The following NLRP2 variants were observed in gnomAD, a reference collection of about 807,000 sequenced individuals.
NLRP2 encodes NLR family pyrin domain containing 2, also known as NACHT, LRR and PYD domains-containing protein 2.
Under a neutral mutation model 97.2 loss-of-function variants are expected in NLRP2, and 107 were observed. The ratio of observed to expected loss-of-function variants is 1.10; its 90% CI spans 0.94 to 1.29. NLRP2 has a LOEUF of 1.29. Ranked by LOEUF, NLRP2 falls within the 50% of genes most tolerant of loss-of-function variation. NLRP2 has a pLI of 0.00. For missense variants in NLRP2, 1,495 were observed against 1,330.3 expected, an observed-to-expected ratio of 1.12 and a Z score of -1.93; for synonymous variants, 663 against 551.5, an observed-to-expected ratio of 1.20 and a Z score of -2.83.
intron 4 of NLRP2, 115 bp from the exon 5 acceptor site, chr19:54,981,502 A>AT: frequency 1.9e-6 from 1 of 530,654 alleles, no homozygotes; most frequent in Non-Finnish European, 3.8e-6. Context: ...GCTTTATCTG[A>AT]TCCCGTGCCC....
intron 3 of NLRP2, among the ~76,000 whole-genome samples, chr19:54,975,117 T>TTTTTTG (rs2071128650): frequency 9.6e-5 from 2 of 20,892 alleles, no homozygotes; most frequent in Non-Finnish European, 1.6e-4. Flanking sequence ...TTTTTTTTTT[T>TTTTTTG]TTTTTTTTTT....
In NLRP2 at chr19:54,970,825, AT is replaced by A. The variant is rs1209596749; in HGVS notation, c.280+538del. 1.2e-3 allele frequency among the ~76,000 whole-genome samples: 78 copies of A among 64,892 alleles called. No homozygotes were observed. In the East Asian group the frequency reaches 0.017, roughly 14 times the overall value. 42.6% of individuals were successfully genotyped at this position (64,892 alleles called of 152,430 possible). ...TTTTATTTTTTATTTTATTATTATT[AT>A]TTTTTTTATTATACTTTAAGTTTTA... On this transcript the variant is annotated intron_variant, in intron 2 of 12. Transcript: ENST00000448584.
In NLRP2 at chr19:54,987,842, A is replaced by G. The variant is rs151103682; in HGVS notation, c.2366+1527A>G. ...TGGATCACAAGGTCAGGAGTTCAAG[A>G]CCAGCCTGGCCAACATGGTGAAACC... On this transcript the variant is annotated intron_variant, in intron 8 of 12. Transcript: ENST00000448584. Among the ~76,000 whole-genome samples the G allele has an allele frequency of 1.9e-3, 285 of 152,066 alleles. 1 individual carries two copies. The highest frequency in any genetic ancestry group is 6.1e-3 in the African/African-American group (254 of 41,498).
At chr19:54,988,371 C>T (rs886723531) in intron 8 of NLRP2, among the ~76,000 whole-genome samples, 3 of 152,226 alleles carry the variant, frequency 2.0e-5, no homozygotes, top group African/African-American at 7.2e-5. Context: ...TGGTTCACTG[C>T]AACCTCTGCC....
chr19:54,996,593 C>T (rs978021671), intron 11 of NLRP2, among the ~76,000 whole-genome samples: 1 of 152,248 alleles, frequency 6.6e-6, no homozygotes, highest in Admixed American at 6.5e-5. Flanking sequence ...CCTATATTGA[C>T]GATGGCTTCA....
chr19:54,974,093 C>T (rs759686282), intron 2 of NLRP2: 24 of 848,000 alleles, frequency 2.8e-5, no homozygotes, highest in East Asian at 8.2e-5. Flanking sequence ...CGGTGGCTCA[C>T]GCCTGTAATC....
rs747399133 is a variant in NLRP2 at position 54,985,079 on chromosome 19, G to A, written c.2063G>A (p.Trp688Ter). ...SQDDQHMLPF[W>*]TDLCSIFGSN... ...GATGATCAGCACATGCTTCCTTTCT[G>A]GACGGACCTTTGTTCCATATTTGGA... is the stretch of plus-strand genomic sequence containing the variant. The change falls in exon 7 of 13, where the codon TGG becomes TAG. Residue 688 changes from tryptophan (W) to a stop codon, truncating the protein, a stop_gained. Transcript: ENST00000448584. LOFTEE classifies it high-confidence loss of function. The A allele has an allele frequency of 1.9e-5, 30 of 1,613,904 alleles. No homozygotes were observed. Among genetic ancestry groups the A allele is most frequent in the Non-Finnish European group, 2.5e-5 (29 of 1,180,024 alleles).
chr19:54,998,915 C>CCA (rs1450468980), intron 12 of NLRP2, among the ~76,000 whole-genome samples: 1 of 151,552 alleles, frequency 6.6e-6, no homozygotes, highest in Non-Finnish European at 1.5e-5. Context: ...TCTGAGTGGA[C>CCA]ACAGCACATG....
chr19:54,982,660 T>G lies in NLRP2; in HGVS notation c.962T>G (p.Leu321Trp), dbSNP rs1418725795. Residue 321 changes from leucine (L) to tryptophan (W), a missense_variant, in exon 6 of 13, where the codon TTG (leucine) becomes TGG (tryptophan). By Grantham distance (61) the Leu-to-Trp change is moderately conservative. Transcript: ENST00000448584. ...CCGGTGCCCGTCCTCCTGGGGAGTTTGCTGAACAGGGTGATGTTACCCAAG... is the reference window on the plus strand; with the variant it reads ...CCGGTGCCCGTCCTCCTGGGGAGTTGGCTGAACAGGGTGATGTTACCCAAG... ...KKPVPVLLGSLLNRVMLPKAA... is the reference protein window; with the variant it reads ...KKPVPVLLGSWLNRVMLPKAA... 6.2e-7 allele frequency: 1 copy of G among 1,614,112 alleles called. No homozygotes were observed. Among genetic ancestry groups the G allele is most frequent in the South Asian group, 1.1e-5 (1 of 91,084 alleles).
At chr19:54,972,668 G>C (rs961435274) in intron 2 of NLRP2, among the ~76,000 whole-genome samples, 2 of 151,834 alleles carry the variant, frequency 1.3e-5, no homozygotes, top group Non-Finnish European at 2.9e-5. Flanking sequence ...TGTTGCCCAG[G>C]CTGGTCTCGA....
intron 8 of NLRP2, among the ~76,000 whole-genome samples, chr19:54,986,761 T>A (rs11671837): frequency 1.3e-5 from 2 of 152,030 alleles, no homozygotes; most frequent in Non-Finnish European, 2.9e-5. Flanking sequence ...ATTGCCAGGC[T>A]GGTCTCGAAC....
rs1402031659 is a variant in NLRP2 at position 54,989,920 on chromosome 19, G to GGC, written c.2367-100_2367-99dup. On this transcript the variant is annotated intron_variant, in intron 8 of 12. Coordinates refer to ENST00000448584, the MANE Select transcript of NLRP2 (RefSeq NM_017852.5). ...GCAGGAGAATCACTTGAACCCAGGAGGCGGAGGTTGCTGTGAGCCGAGATT... is the reference window on the plus strand; with the variant it reads ...GCAGGAGAATCACTTGAACCCAGGAGGCGCGGAGGTTGCTGTGAGCCGAGATT... 4 of 1,248,098 alleles carry GGC rather than the reference G, an allele frequency of 3.2e-6. No individual in the cohort carries two copies. The African/African-American group carries it at 5.9e-5, about 18-fold the overall frequency. The allele number at this position is 1,248,098 out of a possible 1,614,324, so 77.3% of individuals were successfully genotyped here. A position where few individuals can be genotyped will look rare whatever the true frequency, so the allele number is the denominator to read the frequency against.
chr19:54,991,730 G>A (rs975979975), intron 10 of NLRP2, among the ~76,000 whole-genome samples: 7 of 151,234 alleles, frequency 4.6e-5, no homozygotes, highest in African/African-American at 1.5e-4. Flanking sequence ...TTAGCTAGGC[G>A]TGGTGGTATG....
At position 54,997,744 on chromosome 19, in the gene NLRP2, C is replaced by T. The variant is rs199475726; in HGVS notation, c.3050+257C>T. ...TGCTGGGATTACAGGCGTGAGCAAC[C>T]GCACCCGGCCACCTTTTTTTTTTTT... On this transcript the variant is annotated intron_variant, in intron 12 of 12. Coordinates refer to ENST00000448584, the MANE Select transcript of NLRP2 (RefSeq NM_017852.5). Among the ~76,000 whole-genome samples, 276 of 151,888 alleles carry T rather than the reference C, an allele frequency of 1.8e-3. No homozygotes were observed. Among genetic ancestry groups the T allele is most frequent in the Non-Finnish European group, 2.1e-3 (144 of 67,960 alleles).
At chr19:54,985,331 G>C in intron 7 of NLRP2, 114 bp downstream of exon 7, 1 of 997,266 alleles carries the variant, frequency 1.0e-6, no homozygotes, top group Non-Finnish European at 1.6e-6. Flanking sequence ...TCGAGACACA[G>C]GGAATTGAGA....
chr19:54,982,522 A>C lies in NLRP2; in HGVS notation c.824A>C (p.His275Pro), dbSNP rs763466159. Reference sequence around the variant, plus strand: ...CCTGAATTGCAGGATGACATTCCACACATCCTAGCCCAAGCACGGAAAATC... The same window carrying C: ...CCTGAATTGCAGGATGACATTCCACCCATCCTAGCCCAAGCACGGAAAATC... ...DWPELQDDIP[H>P]ILAQARKILF... Residue 275 changes from histidine to proline, a missense_variant, in exon 6 of 13, where the codon CAC (histidine) becomes CCC (proline). Physicochemically the swap from His to Pro is moderately conservative, Grantham distance 77. Coordinates refer to ENST00000448584, the MANE Select transcript of NLRP2 (RefSeq NM_017852.5). The C allele has an allele frequency of 6.2e-7, 1 of 1,614,006 alleles. No individual in the cohort carries two copies. Among genetic ancestry groups the C allele is most frequent in the Admixed American group, 1.7e-5 (1 of 59,992 alleles).
intron 12 of NLRP2, among the ~76,000 whole-genome samples, 191 bp downstream of exon 12, chr19:54,997,678 C>T (rs1334116072): frequency 6.6e-6 from 1 of 151,730 alleles, no homozygotes; most frequent in Non-Finnish European, 1.5e-5. Context: ...TGGTCTCAAA[C>T]TCCTGACCTC....
intron 4 of NLRP2, among the ~76,000 whole-genome samples, chr19:54,980,291 C>T (rs1387834788): frequency 4.0e-5 from 6 of 151,740 alleles, no homozygotes; most frequent in African/African-American, 9.7e-5. Context: ...CTCCATCTCC[C>T]GGGTTCACGC....
chr19:54,970,811 A>G (rs990839055), intron 2 of NLRP2, among the ~76,000 whole-genome samples: 1 of 57,146 alleles, frequency 1.7e-5, no homozygotes, highest in Non-Finnish European at 3.9e-5. Flanking sequence ...TTTATTTTTT[A>G]TTTTATTATT....
Sources: gnomAD v4.1 joint callset for allele counts (sites outside exome capture counted in the v4.1 genomes callset) on GRCh38, gnomAD v4.1.1 for gene constraint, MANE v1.5 for transcripts, NCBI Gene and HGNC (gene_info 2026-07-23, HGNC 2026-07-21) for gene names.